The following GRM8 variants were observed in gnomAD, a reference collection of about 807,000 sequenced individuals.
GRM8 encodes glutamate metabotropic receptor 8, also known as metabotropic glutamate receptor 8.
A neutral mutation model predicts 87.2 loss-of-function variants in GRM8; 47 were observed. That is an observed-to-expected ratio of 0.54 (90% CI 0.43 to 0.69). The LOEUF (loss-of-function observed/expected upper bound fraction) is 0.69, where lower values mean the gene tolerates loss of function less well. GRM8 is among the 30% of genes least tolerant of loss of function. The probability of loss-of-function intolerance (pLI) is 0.00; values close to 1 mark genes in which losing one functional copy is unlikely to be tolerated. For missense variants in GRM8, 1,019 were observed against 1,139.2 expected (o/e 0.89, Z 1.52); for synonymous variants, 396 against 404.5 (o/e 0.98, Z 0.25).
rs76771783 is a variant in GRM8 at position 126,693,924 on chromosome 7, T to G, written c.1357+75941A>C. ...TTTTCATAAATGTATCAGTCAAATG[T>G]AGTTTCTTTCATAAATTGTTGGAAT... On this transcript the variant is annotated intron_variant, in intron 7 of 10. Coordinates refer to ENST00000339582, the MANE Select transcript of GRM8 (RefSeq NM_000845.3). Among the ~76,000 whole-genome samples, 1,053 of 152,208 alleles carry G rather than the reference T, an allele frequency of 6.9e-3. 16 individuals are homozygous for G. Among genetic ancestry groups the G allele is most frequent in the African/African-American group, 0.024 (995 of 41,580 alleles).
intron 9 of GRM8, among the ~76,000 whole-genome samples, chr7:126,464,663 G>A (rs1363679716): frequency 2.0e-5 from 3 of 151,488 alleles, no homozygotes; most frequent in Non-Finnish European, 3.0e-5. Context: ...AGGTTGCCAC[G>A]AGGCTTGCAA....
chr7:126,597,518 ATAACCTTATTT>A (rs1416128770), intron 8 of GRM8, among the ~76,000 whole-genome samples: 4 of 152,090 alleles, frequency 2.6e-5, no homozygotes, highest in Non-Finnish European at 5.9e-5. Flanking sequence ...TTTTATGTTT[ATAACCTTATTT>A]TAACCTTATT....
rs1811497065 is a variant in GRM8, at chr7:126,981,259, C to T, written c.728-76576G>A. The T allele has an allele frequency of 2.0e-5, 3 of 152,304 alleles. No individual in the cohort carries two copies. In the South Asian group the frequency reaches 6.2e-4, roughly 32 times the overall value. 9.4% of individuals were successfully genotyped at this position (152,304 alleles called of 1,614,324 possible). A position where few individuals can be genotyped will look rare whatever the true frequency, so the allele number is the denominator to read the frequency against. On this transcript the variant is annotated intron_variant, in intron 3 of 10. Coordinates refer to ENST00000339582, the MANE Select transcript of GRM8 (RefSeq NM_000845.3). Reference sequence around the variant, plus strand: ...AAATTGCAGCTGTGTTTGGGAGCCTCACCATTGATTATGCCAAGAACCCTG... The same window carrying T: ...AAATTGCAGCTGTGTTTGGGAGCCTTACCATTGATTATGCCAAGAACCCTG...
intron 9 of GRM8, among the ~76,000 whole-genome samples, chr7:126,503,866 T>C (rs1265959990): frequency 6.6e-6 from 1 of 152,056 alleles, no homozygotes; most frequent in Non-Finnish European, 1.5e-5. Flanking sequence ...TGTTTGATTC[T>C]CTAGCTCTCT....
At chr7:127,118,463 G>A (rs1192933642) in intron 2 of GRM8, among the ~76,000 whole-genome samples, 1 of 152,176 alleles carries the variant, frequency 6.6e-6, no homozygotes, top group Non-Finnish European at 1.5e-5. Context: ...TTTTTGGGAA[G>A]CCTAGCTTAC....
At chr7:127,043,764 T>TA (rs898185189) in intron 3 of GRM8, among the ~76,000 whole-genome samples, 22 of 151,636 alleles carry the variant, frequency 1.5e-4, no homozygotes, top group East Asian at 9.7e-4. Context: ...TAAAGTATAA[T>TA]AAAAAAAATA....
intron 9 of GRM8, among the ~76,000 whole-genome samples, chr7:126,457,748 A>C (rs1193779329): frequency 6.6e-6 from 1 of 151,228 alleles, no homozygotes; most frequent in African/African-American, 2.4e-5. Flanking sequence ...AAGAAAAGGG[A>C]GAGAAAATTA....
At chr7:126,512,747 T>A (rs576687640) in intron 9 of GRM8, 3 of 152,116 alleles carry the variant, frequency 2.0e-5, no homozygotes, top group African/African-American at 7.2e-5. Context: ...ATGGAAAGAT[T>A]TGGGAATAGT....
intron 9 of GRM8, among the ~76,000 whole-genome samples, chr7:126,527,108 C>T (rs1813970324): frequency 6.6e-6 from 1 of 152,174 alleles, no homozygotes; most frequent in African/African-American, 2.4e-5. Context: ...CCTGTAATCC[C>T]AGCACTTTGG....
intron 3 of GRM8, among the ~76,000 whole-genome samples, chr7:127,066,048 G>T (rs1374687430): frequency 1.2e-5 from 1 of 85,214 alleles, no homozygotes. Context: ...ACTCCAGATT[G>T]GAATTTGATG....
chr7:127,061,603 C>CCCACACCCTT (rs1820597433), intron 3 of GRM8, among the ~76,000 whole-genome samples: 2 of 152,116 alleles, frequency 1.3e-5, no homozygotes, highest in South Asian at 4.1e-4. Flanking sequence ...CTTCCTTTCC[C>CCCACACCCTT]CCACACCCTT....
chr7:126,821,951 CA>C (rs1478293187), intron 6 of GRM8, among the ~76,000 whole-genome samples: 1 of 152,166 alleles, frequency 6.6e-6, no homozygotes, highest in Non-Finnish European at 1.5e-5. Context: ...GTCATGATCT[CA>C]ACACCTTTGA....
intron 9 of GRM8, among the ~76,000 whole-genome samples, chr7:126,450,468 A>G (rs1436028064): frequency 6.6e-6 from 1 of 151,892 alleles, no homozygotes; most frequent in East Asian, 1.9e-4. Context: ...TTGACCAGCT[A>G]GAAAGCTACA....
chr7:126,776,269 AC>A (rs1486770364), intron 6 of GRM8, among the ~76,000 whole-genome samples: 1 of 152,130 alleles, frequency 6.6e-6, no homozygotes, highest in Non-Finnish European at 1.5e-5. Context: ...GGAAGTGAAA[AC>A]AAAGGAATGA....
At chr7:126,648,999 C>T (rs1414109867) in intron 7 of GRM8, among the ~76,000 whole-genome samples, 1 of 152,192 alleles carries the variant, frequency 6.6e-6, no homozygotes, top group African/African-American at 2.4e-5. Flanking sequence ...CATAGACTCA[C>T]TTTTAGAAGC....
At chr7:127,133,243 C>T (rs1587103550) in intron 2 of GRM8, among the ~76,000 whole-genome samples, 1 of 152,044 alleles carries the variant, frequency 6.6e-6, no homozygotes, top group East Asian at 1.9e-4. Context: ...CATGGTGAAA[C>T]CCCATCTCTA....
At chr7:126,501,799 G>C (rs1211645821) in intron 9 of GRM8, among the ~76,000 whole-genome samples, 1 of 151,946 alleles carries the variant, frequency 6.6e-6, no homozygotes, top group African/African-American at 2.4e-5. Flanking sequence ...AAGGGAGAAT[G>C]AGTGTCAATG....
intron 8 of GRM8, among the ~76,000 whole-genome samples, chr7:126,557,045 T>C (rs1793221779): frequency 6.6e-6 from 1 of 152,190 alleles, no homozygotes; most frequent in South Asian, 2.1e-4. Flanking sequence ...AGCCCTATTC[T>C]TGCTCTGAAA....
At chr7:127,228,505 C>T (rs1797483187) in intron 2 of GRM8, 1 of 152,114 alleles carries the variant, frequency 6.6e-6, no homozygotes, top group African/African-American at 2.4e-5. Flanking sequence ...TAACTCAAAT[C>T]GAAGAACAAA....
Sources: allele counts gnomAD v4.1 joint callset (sites outside exome capture counted in the v4.1 genomes callset), GRCh38; gene constraint gnomAD v4.1.1; transcripts MANE v1.5; gene names NCBI Gene and HGNC (gene_info 2026-07-23, HGNC 2026-07-21).